PRKCQ: variants seen among roughly 807,000 people sequenced by gnomAD.
PRKCQ encodes protein kinase C theta.
Under a neutral mutation model 91.2 loss-of-function variants are expected in PRKCQ, and 41 were observed. The ratio of observed to expected loss-of-function variants is 0.45; its 90% CI spans 0.35 to 0.58. The LOEUF (loss-of-function observed/expected upper bound fraction) is 0.58. PRKCQ is among the 20% of genes least tolerant of loss of function. The pLI is 0.00. For synonymous variants in PRKCQ, 307 were observed against 316.9 expected (o/e 0.97, Z 0.33); for missense variants, 673 against 896.5 (o/e 0.75, Z 3.18).
intron 1 of PRKCQ, among the ~76,000 whole-genome samples, chr10:6,562,071 A>G (rs1427617618): frequency 4.6e-5 from 7 of 152,212 alleles, no homozygotes; most frequent in African/African-American, 1.7e-4. Context: ...AAGGAAATAC[A>G]TTGAGCCACG....
At chr10:6,473,880 GATA>G (rs1836128013) in intron 12 of PRKCQ, among the ~76,000 whole-genome samples, 1 of 152,056 alleles carries the variant, frequency 6.6e-6, no homozygotes, top group Non-Finnish European at 1.5e-5. Flanking sequence ...AATTTTAAAT[GATA>G]ATAATATCTT....
intron 13 of PRKCQ, among the ~76,000 whole-genome samples, chr10:6,463,783 G>A (rs1244012459): frequency 1.3e-5 from 2 of 152,224 alleles, no homozygotes; most frequent in Non-Finnish European, 2.9e-5. Context: ...ATGGGCAGGA[G>A]TGGTGGTGAG....
At chr10:6,574,872 C>T (rs1588440454) in intron 1 of PRKCQ, among the ~76,000 whole-genome samples, 1 of 152,344 alleles carries the variant, frequency 6.6e-6, no homozygotes, top group African/African-American at 2.4e-5. Flanking sequence ...CTCACTGCCA[C>T]TTCCCCTTCA....
intron 1 of PRKCQ, among the ~76,000 whole-genome samples, chr10:6,537,975 AAAG>A (rs1839646915): frequency 6.6e-6 from 1 of 152,222 alleles, no homozygotes; most frequent in Non-Finnish European, 1.5e-5. Context: ...AGTGGCATGA[AAAG>A]AACATCTGGC....
At chr10:6,516,564 C>G (rs1032653730) in intron 1 of PRKCQ, among the ~76,000 whole-genome samples, 2 of 152,174 alleles carry the variant, frequency 1.3e-5, no homozygotes, top group African/African-American at 4.8e-5. Flanking sequence ...CCCTTCTTTC[C>G]TGGGCCAATT....
intron 17 of PRKCQ, among the ~76,000 whole-genome samples, chr10:6,429,825 G>A (rs1833320135): frequency 6.6e-6 from 1 of 151,976 alleles, no homozygotes; most frequent in Non-Finnish European, 1.5e-5. Flanking sequence ...ATCCTCTTGG[G>A]CTCAAGTAAT....
At chr10:6,573,183 C>G (rs1480280604) in intron 1 of PRKCQ, among the ~76,000 whole-genome samples, 2 of 152,066 alleles carry the variant, frequency 1.3e-5, no homozygotes, top group Non-Finnish European at 2.9e-5. Flanking sequence ...TGTCATTGCC[C>G]ACTAGTAGAC....
At chr10:6,461,905 GAGA>G (rs1307171595) in intron 14 of PRKCQ, among the ~76,000 whole-genome samples, 4 of 152,158 alleles carry the variant, frequency 2.6e-5, no homozygotes, top group Admixed American at 2.6e-4. Context: ...TCATACAGCA[GAGA>G]AGAAGAAAAT....
At chr10:6,500,213 T>C (rs1837831518) in intron 4 of PRKCQ, among the ~76,000 whole-genome samples, 1 of 152,164 alleles carries the variant, frequency 6.6e-6, no homozygotes, top group Non-Finnish European at 1.5e-5. Context: ...TTGTGACTAG[T>C]ATAGTAGGTC....
chr10:6,517,052 A>C (rs1441212928), intron 1 of PRKCQ, among the ~76,000 whole-genome samples: 1 of 152,198 alleles, frequency 6.6e-6, no homozygotes, highest in African/African-American at 2.4e-5. Context: ...CCTGACATAC[A>C]CCTGACATCT....
At chr10:6,425,165 C>T (rs547841317), downstream of PRKCQ, among the ~76,000 whole-genome samples, 1 of 152,166 alleles carries the variant, frequency 6.6e-6, no homozygotes, top group African/African-American at 2.4e-5. Flanking sequence ...GTTCAAGTCT[C>T]CACTGGTCAA....
intron 1 of PRKCQ, among the ~76,000 whole-genome samples, chr10:6,525,407 G>A (rs1839164339): frequency 6.6e-6 from 1 of 152,064 alleles, no homozygotes; most frequent in South Asian, 2.1e-4. Context: ...GCTAAACCCT[G>A]CCTCTACTAA....
intron 15 of PRKCQ, among the ~76,000 whole-genome samples, chr10:6,449,478 G>T (rs1176712560): frequency 2.6e-5 from 4 of 152,176 alleles, no homozygotes. Context: ...GAAAGTGACA[G>T]GGAGAATGGA....
chr10:6,475,045 T>C (rs923876369), intron 12 of PRKCQ, among the ~76,000 whole-genome samples: 6 of 152,140 alleles, frequency 3.9e-5, no homozygotes, highest in Non-Finnish European at 5.9e-5. Flanking sequence ...CAGCAGCCTC[T>C]CAGAATGCTG....
At chr10:6,496,600 A>G (rs1210583772) in intron 7 of PRKCQ, among the ~76,000 whole-genome samples, 2 of 152,110 alleles carry the variant, frequency 1.3e-5, no homozygotes, top group African/African-American at 4.8e-5. Flanking sequence ...ATTTTTCTGG[A>G]AAAGTAGAGC....
intron 3 of PRKCQ, among the ~76,000 whole-genome samples, chr10:6,508,427 T>C (rs1290699188): frequency 2.6e-5 from 4 of 152,252 alleles, no homozygotes; most frequent in African/African-American, 9.6e-5. Flanking sequence ...TAAATAATTT[T>C]CTGGTTATGT....
At chr10:6,437,296 A>C (rs1003696405) in intron 16 of PRKCQ, among the ~76,000 whole-genome samples, 6 of 152,222 alleles carry the variant, frequency 3.9e-5, no homozygotes, top group Admixed American at 3.3e-4. Flanking sequence ...CAATAGGGCT[A>C]GAAGTCTCAC....
intron 14 of PRKCQ, among the ~76,000 whole-genome samples, chr10:6,461,109 A>G (rs1835317193): frequency 1.0e-5 from 1 of 99,994 alleles, no homozygotes; most frequent in African/African-American, 3.4e-5. Flanking sequence ...TTATCCATCC[A>G]TCCATCCATC....
chr10:6,433,445 C>T (rs563329156), intron 16 of PRKCQ, among the ~76,000 whole-genome samples: 8 of 152,294 alleles, frequency 5.3e-5, no homozygotes, highest in Non-Finnish European at 7.4e-5. Flanking sequence ...CATAGATGCT[C>T]AGTAGATGCC....
Sources: allele counts gnomAD v4.1 joint callset (sites outside exome capture counted in the v4.1 genomes callset), GRCh38; gene constraint gnomAD v4.1.1; transcripts MANE v1.5; gene names NCBI Gene and HGNC (gene_info 2026-07-23, HGNC 2026-07-21).